PSMB5: variants seen among roughly 807,000 people sequenced by gnomAD.
PSMB5 encodes proteasome subunit beta type-5.
PSMB5 carries 2 observed loss-of-function variants against 22.8 expected under a neutral mutation model. The ratio of observed to expected loss-of-function variants is 0.09; its 90% CI spans 0.04 to 0.28. The LOEUF (loss-of-function observed/expected upper bound fraction) is 0.28, where lower values mean the gene tolerates loss of function less well. Among genes scored for constraint, PSMB5 ranks in the 10% least tolerant of loss-of-function variants. The probability of loss-of-function intolerance (pLI) is 1.00; values close to 1 mark genes in which losing one functional copy is unlikely to be tolerated. For synonymous variants in PSMB5, 133 were observed against 135.3 expected (o/e 0.98, Z 0.12); for missense variants, 269 against 343.8 (o/e 0.78, Z 1.72).
rs1406958895 is a variant in PSMB5, at chr14:23,033,631, G to A, written c.242C>T (p.Ala81Val). The A allele has an allele frequency of 1.2e-6, 2 of 1,612,920 alleles. No homozygotes were observed. The highest frequency in any genetic ancestry group is 1.3e-5 in the African/African-American group (1 of 75,014). Residue 81 changes from alanine to valine, a missense_variant, in exon 2 of 3, where the codon GCG becomes GTG. This residue lies in a region of PSMB5 where 75 missense variants were observed against 143.2 expected (regional missense o/e 0.52). Transcript: ENST00000361611. ...VIVAADSRATAGAYIASQTVK... is the reference protein window; with the variant it reads ...VIVAADSRATVGAYIASQTVK... ...CGTCTGGGAGGCAATGTAAGCACCC[G>A]CTGTAGCCCTGGAGTCAGCTGCAAC...
chr14:23,026,257 C>T lies in PSMB5; in HGVS notation c.624G>A (p.Val208=). The change falls in exon 3 of 3, where the codon GTG becomes GTA. Residue 208 remains valine (V), a synonymous_variant. Transcript: ENST00000361611. ...GACGGGCCAGATCATAGGCCTGCTC[C>T]ACTTCCAGGTCATAGGAATAGCCCC... ...MDRGYSYDLE[V]EQAYDLARRA... 1 of 1,614,136 alleles carries T rather than the reference C, an allele frequency of 6.2e-7. No individual in the cohort carries two copies. Among genetic ancestry groups the T allele is most frequent in the East Asian group, 2.2e-5 (1 of 44,866 alleles).
chr14:23,026,401 G>GAA (rs750434117), intron 2 of PSMB5, 26 bp from the exon 3 acceptor site: 12 of 1,193,182 alleles, frequency 1.0e-5, no homozygotes, highest in South Asian at 3.2e-5. Context: ...AGGTTAGCAG[G>GAA]AAAAAAAAAA....
Position 23,031,446 on chromosome 14 carries a change from G to A in PSMB5, c.505+1922C>T, listed in dbSNP as rs559299858. ...ACTCCCTACAGCCCTTTCTATTCTC[G>A]TTTGAAAGCAAGTGAAAAAGTGGTA... On this transcript the variant is annotated intron_variant, in intron 2 of 2. Transcript: ENST00000361611. Among the ~76,000 whole-genome samples, 12 of 152,108 alleles carry A rather than the reference G, an allele frequency of 7.9e-5. No homozygotes were observed. The East Asian group carries it at 1.7e-3, about 22-fold the overall frequency.
chr14:23,030,198 G>T (rs971261831), intron 2 of PSMB5, among the ~76,000 whole-genome samples: 2 of 149,196 alleles, frequency 1.3e-5, no homozygotes, highest in Non-Finnish European at 3.0e-5. Flanking sequence ...TTTAAAAACG[G>T]TATTTATCAG....
chr14:23,034,747 G>A lies in PSMB5; in HGVS notation c.135C>T (p.Gly45=), dbSNP rs2139924394. The change falls in exon 1 of 3, where the codon GGC becomes GGT. Residue 45 remains glycine (G), a synonymous_variant. Coordinates refer to ENST00000361611, the MANE Select transcript of PSMB5 (RefSeq NM_002797.5). The part of the protein sequence containing the change: ...LSDGLSLAAP[G]WGVPEEPGIE... ...TTCCTGGCTCTTCTGGGACACCCCA[G>A]CCTGGCGCGGCCAGGCTCAGACCAT... 6.2e-7 allele frequency: 1 copy of A among 1,614,208 alleles called. No homozygotes were observed.
rs1326247925 is a variant in PSMB5, at chr14:23,033,349, T to G, written c.505+19A>C. The G allele has an allele frequency of 1.3e-6, 2 of 1,598,574 alleles. No individual in the cohort carries two copies. The highest frequency in any genetic ancestry group is 1.7e-6 in the Non-Finnish European group (2 of 1,168,840). On this transcript the variant is annotated intron_variant, in intron 2 of 2. Transcript: ENST00000361611. Reference sequence around the variant, plus strand: ...CTGTAGTGTCAGCCCAAGGATCATGTGGTTGCAGCTTAACTCACCAGGGCC... The same window carrying G: ...CTGTAGTGTCAGCCCAAGGATCATGGGGTTGCAGCTTAACTCACCAGGGCC...
intron 2 of PSMB5, chr14:23,027,749 C>T (rs2046926221): frequency 1.3e-6 from 2 of 1,544,586 alleles, no homozygotes; most frequent in East Asian, 2.5e-5. Context: ...AACTACCTTG[C>T]CATGTTGCCG....
At chr14:23,035,009 A>C, upstream of PSMB5, 1 of 1,435,368 alleles carries the variant, frequency 7.0e-7, no homozygotes, top group South Asian at 1.5e-5. Flanking sequence ...ACTGCTGGCA[A>C]GCACGCCTCC....
intron 2 of PSMB5, among the ~76,000 whole-genome samples, chr14:23,031,316 C>G (rs2046951160): frequency 6.6e-6 from 1 of 152,202 alleles, no homozygotes; most frequent in Non-Finnish European, 1.5e-5. Context: ...TGTCTTTTCC[C>G]ACCTTTCAGA....
At chr14:23,031,378 G>T (rs576775277) in intron 2 of PSMB5, among the ~76,000 whole-genome samples, 7 of 152,108 alleles carry the variant, frequency 4.6e-5, no homozygotes, top group Non-Finnish European at 1.0e-4. Flanking sequence ...TCTCACATCC[G>T]GTTTTTAATT....
Position 23,026,090 on chromosome 14 carries a change from CA to C in PSMB5, c.790del (p.Ter264GlufsTer30). 3 of 1,613,580 alleles carry C rather than the reference CA, an allele frequency of 1.9e-6. No homozygotes were observed. The highest frequency in any genetic ancestry group is 2.5e-6 in the Non-Finnish European group (3 of 1,179,520). On this transcript the variant is annotated frameshift_variant and stop_lost, in exon 3 of 3. Transcript: ENST00000361611. LOFTEE classifies it high-confidence loss of function. ...ACAAGCAGCTGCATCCACCCTCTTT[CA>C]GGGGGTAGAGCCACTATACTTCTCA... is the stretch of plus-strand genomic sequence containing the variant. ...LHEKYSGSTP[*>X]
chr14:23,035,119 C>G (rs1012979568), upstream of PSMB5: 1 of 728,954 alleles, frequency 1.4e-6, no homozygotes, highest in African/African-American at 1.8e-5. Context: ...TACCTGCCAT[C>G]TTGGCTTTGG....
chr14:23,034,750 T>G lies in PSMB5; in HGVS notation c.132A>C (p.Pro44=), dbSNP rs755544933. ...SLSDGLSLAA[P]GWGVPEEPGI... ...CTGGCTCTTCTGGGACACCCCAGCC[T>G]GGCGCGGCCAGGCTCAGACCATCAC... The change falls in exon 1 of 3, where the codon CCA becomes CCC. Residue 44 remains proline, a synonymous_variant. Coordinates refer to ENST00000361611, the MANE Select transcript of PSMB5 (RefSeq NM_002797.5). The G allele has an allele frequency of 1.9e-5, 31 of 1,614,068 alleles. No homozygotes were observed. Among genetic ancestry groups the G allele is most frequent in the Admixed American group, 5.0e-5 (3 of 60,002 alleles).
chr14:23,033,412 A>G lies in PSMB5; in HGVS notation c.461T>C (p.Leu154Pro). The stretch of plus-strand genomic sequence containing the variant: ...GCCACAGATCATGGTGCCCATGGAC[A>G]GCCCCATGCCTTTGTACTGATACAC... ...NMVYQYKGMG[L>P]SMGTMICGWD... Residue 154 changes from leucine (L) to proline (P), a missense_variant, in exon 2 of 3, where the codon CTG (leucine) becomes CCG (proline). Coordinates refer to ENST00000361611, the MANE Select transcript of PSMB5 (RefSeq NM_002797.5). 4 of 1,613,394 alleles carry G rather than the reference A, an allele frequency of 2.5e-6. No individual in the cohort carries two copies. Among genetic ancestry groups the G allele is most frequent in the Non-Finnish European group, 3.4e-6 (4 of 1,179,420 alleles).
chr14:23,031,378 G>A (rs576775277), intron 2 of PSMB5, among the ~76,000 whole-genome samples: 4 of 152,108 alleles, frequency 2.6e-5, no homozygotes, highest in South Asian at 2.1e-4. Context: ...TCTCACATCC[G>A]GTTTTTAATT....
intron 2 of PSMB5, among the ~76,000 whole-genome samples, chr14:23,029,673 C>T (rs1289625927): frequency 1.3e-5 from 2 of 152,212 alleles, no homozygotes; most frequent in Admixed American, 6.5e-5. Flanking sequence ...GCCTCAGCCT[C>T]CTGAGTAGCT....
chr14:23,032,422 C>T (rs879305807), intron 2 of PSMB5, among the ~76,000 whole-genome samples: 7 of 151,638 alleles, frequency 4.6e-5, no homozygotes, highest in Non-Finnish European at 7.4e-5. Flanking sequence ...CCAGACTGGA[C>T]GATCGGAGTG....
At position 23,033,536 on chromosome 14, in the gene PSMB5, A is replaced by C; in HGVS notation, c.337T>G (p.Phe113Val). Residue 113 changes from phenylalanine (F) to valine (V), a missense_variant, in exon 2 of 3, where the codon TTC becomes GTC. By Grantham distance (50) the Phe-to-Val change is conservative (BLOSUM62 -1). Transcript: ENST00000361611. ...TGCCGAGCCAACAGCCGTTCCCAGA[A>C]GCTGCAATCCGCTGCGCCCCCAGCC... ...TMAGGAADCS[F>V]WERLLARQCR... is the part of the protein sequence containing the mutation. 1 of 1,614,160 alleles carries C rather than the reference A, an allele frequency of 6.2e-7. No homozygotes were observed. The highest frequency in any genetic ancestry group is 8.5e-7 in the Non-Finnish European group (1 of 1,180,032).
chr14:23,029,229 T>C (rs1449863013), intron 2 of PSMB5, among the ~76,000 whole-genome samples: 1 of 152,160 alleles, frequency 6.6e-6, no homozygotes, highest in Non-Finnish European at 1.5e-5. Flanking sequence ...ACCTTACTCC[T>C]TTCTCTGGCC....
Sources: allele counts gnomAD v4.1 joint callset (sites outside exome capture counted in the v4.1 genomes callset), GRCh38; gene constraint gnomAD v4.1.1; regional missense constraint gnomAD v4.1.1; transcripts MANE v1.5; gene names NCBI Gene and HGNC (gene_info 2026-07-23, HGNC 2026-07-21).